BLACAT1: variants seen among roughly 807,000 people sequenced by gnomAD.
BLACAT1 encodes the protein bladder cancer associated transcript 1.
chr1:205,436,791 T>C (rs1666216084), downstream of BLACAT1: 1 of 152,248 alleles, frequency 6.6e-6, no homozygotes, highest in Non-Finnish European at 1.5e-5. Flanking sequence ...CCCACTGAAC[T>C]CAGCAGCCCA....
rs1002709316 is a variant in BLACAT1, at chr1:205,450,906, T to C, written c.-37+5011A>G. Among the ~76,000 whole-genome samples, 3 of 152,066 alleles carry C rather than the reference T, an allele frequency of 2.0e-5. No homozygotes were observed. Among genetic ancestry groups the C allele is most frequent in the African/African-American group, 7.2e-5 (3 of 41,406 alleles). Reference sequence around the variant, plus strand: ...CTTTCCCGAGGAAAACCCTGCTTCCTCCAATCCCGAGAACCTGGGCAGTGA... The same window carrying C: ...CTTTCCCGAGGAAAACCCTGCTTCCCCCAATCCCGAGAACCTGGGCAGTGA... On this transcript the variant is annotated intron_variant, in intron 1 of 1. Transcript: ENST00000629624. The surrounding 1 kb of genome is among the most constrained non-coding windows in gnomAD (Gnocchi z 4.4).
At position 205,448,174 on chromosome 1, in the gene BLACAT1, A is replaced by C. The variant is rs960312643; in HGVS notation, c.-36-7112T>G. Reference sequence around the variant, plus strand: ...AGGGAAGTGACTGGGCCAAGGTCACACGGCTTAGCCCCGATCCCAGGTTAC... The same window carrying C: ...AGGGAAGTGACTGGGCCAAGGTCACCCGGCTTAGCCCCGATCCCAGGTTAC... On this transcript the variant is annotated intron_variant, in intron 1 of 1. Coordinates refer to ENST00000629624, the Ensembl canonical transcript of BLACAT1. This position sits in a 1 kb window ranked among gnomAD's most constrained non-coding sequence, Gnocchi z 4.7. The C allele has an allele frequency of 2.5e-6, 1 of 401,480 alleles. No individual in the cohort carries two copies. Among genetic ancestry groups the C allele is most frequent in the Non-Finnish European group, 5.0e-6 (1 of 198,830 alleles). The allele number at this position is 401,480 out of a possible 1,614,324, so 24.9% of individuals were successfully genotyped here. A position where few individuals can be genotyped will look rare whatever the true frequency, so the allele number is the denominator to read the frequency against.
rs138793459 is a variant in BLACAT1 at position 205,451,943 on chromosome 1, A to G, written c.-37+3974T>C. Among the ~76,000 whole-genome samples, 69 of 152,276 alleles carry G rather than the reference A, an allele frequency of 4.5e-4. No individual in the cohort carries two copies. In the East Asian group the frequency reaches 0.012, roughly 26 times the overall value. On this transcript the variant is annotated intron_variant, in intron 1 of 1. Transcript: ENST00000629624. ...AGGAGAAGCCTGAGAGAGAGAAAGC[A>G]GAGAGCCAGAAAAGAAGAATGCTGA...
At chr1:205,438,420 C>A (rs756202177), downstream of BLACAT1, among the ~76,000 whole-genome samples, 1 of 152,196 alleles carries the variant, frequency 6.6e-6, no homozygotes, top group African/African-American at 2.4e-5. Flanking sequence ...AAGCCTGGCC[C>A]GAAGTCAGAG....
At position 205,448,364 on chromosome 1, in the gene BLACAT1, C is replaced by T. The variant is rs1666439009; in HGVS notation, c.-36-7302G>A. On this transcript the variant is annotated intron_variant, in intron 1 of 1. Transcript: ENST00000629624. This position sits in a 1 kb window ranked among gnomAD's most constrained non-coding sequence, Gnocchi z 4.7. ...CTACATGAGTTTGGGACAGCAATCA[C>T]ATAGGAATGAAAAGCCATAGGCCAC... is the stretch of plus-strand genomic sequence containing the variant. The T allele has an allele frequency of 1.9e-6, 1 of 534,476 alleles. No individual in the cohort carries two copies. The allele number at this position is 534,476 out of a possible 1,614,324, so 33.1% of individuals were successfully genotyped here. A position where few individuals can be genotyped will look rare whatever the true frequency, so the allele number is the denominator to read the frequency against.
At chr1:205,439,026 C>A (rs1666252347), downstream of BLACAT1, among the ~76,000 whole-genome samples, 2 of 152,214 alleles carry the variant, frequency 1.3e-5, no homozygotes, top group South Asian at 4.1e-4. Context: ...TCCGGGGATA[C>A]AATTTCATCC....
intron 1 of BLACAT1, among the ~76,000 whole-genome samples, chr1:205,455,237 C>T (rs949041158): frequency 2.0e-5 from 3 of 152,152 alleles, no homozygotes; most frequent in East Asian, 1.9e-4. Flanking sequence ...GGGAGGCAGG[C>T]TTATGGCCAA....
intron 1 of BLACAT1, among the ~76,000 whole-genome samples, chr1:205,445,006 C>G (rs1575010510): frequency 6.6e-6 from 1 of 152,032 alleles, no homozygotes; most frequent in Non-Finnish European, 1.5e-5. Context: ...CCCTTAGCAC[C>G]GCGTCTCAGT....
downstream of BLACAT1, chr1:205,436,945 C>T (rs1666219357): frequency 6.6e-6 from 1 of 152,416 alleles, no homozygotes; most frequent in African/African-American, 2.4e-5. Flanking sequence ...GGAAATGGGA[C>T]TCATCGCCAC....
At chr1:205,442,912 C>A (rs1407382140) in intron 1 of BLACAT1, among the ~76,000 whole-genome samples, 6 of 152,170 alleles carry the variant, frequency 3.9e-5, no homozygotes, top group Admixed American at 3.9e-4. Context: ...TGCTAACATG[C>A]TGTGTCATCC....
intron 1 of BLACAT1, chr1:205,449,920 C>G (rs918901971): frequency 3.3e-5 from 5 of 152,712 alleles, no homozygotes; most frequent in Non-Finnish European, 7.3e-5. Flanking sequence ...CACAATTCCC[C>G]GCAGAGCCAC....
At chr1:205,439,514 G>C (rs982179448), downstream of BLACAT1, among the ~76,000 whole-genome samples, 2 of 152,212 alleles carry the variant, frequency 1.3e-5, no homozygotes, top group African/African-American at 4.8e-5. Context: ...CTTCTCCCAG[G>C]TTTTGGGCGA....
At chr1:205,446,332 C>A (rs975262861) in intron 1 of BLACAT1, among the ~76,000 whole-genome samples, 3 of 152,216 alleles carry the variant, frequency 2.0e-5, no homozygotes, top group Non-Finnish European at 2.9e-5. Context: ...AGTTGCTGAG[C>A]TGTGGGCTTG....
intron 1 of BLACAT1, among the ~76,000 whole-genome samples, chr1:205,447,810 C>T (rs923642931): frequency 5.9e-5 from 9 of 152,104 alleles, no homozygotes; most frequent in Admixed American, 3.3e-4. Flanking sequence ...CCCTCGTGGC[C>T]GGCATGGAGT....
At chr1:205,443,115 A>G (rs1360737662) in intron 1 of BLACAT1, among the ~76,000 whole-genome samples, 1 of 152,208 alleles carries the variant, frequency 6.6e-6, no homozygotes, top group Non-Finnish European at 1.5e-5. Context: ...TGCTGGGGAT[A>G]TAAGTCAAGG....
At chr1:205,437,843 G>T (rs2102460962), downstream of BLACAT1, 1 of 152,316 alleles carries the variant, frequency 6.6e-6, no homozygotes, top group South Asian at 2.1e-4. Context: ...CTAGAAGCCA[G>T]GAGACCTGGC....
intron 1 of BLACAT1, among the ~76,000 whole-genome samples, chr1:205,449,469 C>T (rs1666457489): frequency 6.6e-6 from 1 of 152,064 alleles, no homozygotes; most frequent in South Asian, 2.1e-4. Context: ...CTCTCCCACC[C>T]CAACTGTACC....
intron 1 of BLACAT1, among the ~76,000 whole-genome samples, 199 bp downstream of exon 1, chr1:205,455,718 C>T (rs560087785): frequency 7.1e-4 from 108 of 152,288 alleles, no homozygotes; most frequent in African/African-American, 2.6e-3. Context: ...AGGGCGGCGG[C>T]TGACGCAGCC....
chr1:205,438,727 C>T (rs541125044), downstream of BLACAT1, among the ~76,000 whole-genome samples: 9 of 152,194 alleles, frequency 5.9e-5, no homozygotes, highest in African/African-American at 2.2e-4. Flanking sequence ...ACAACTGGAC[C>T]TCCACTCAGA....
Sources: allele counts gnomAD v4.1 joint callset (sites outside exome capture counted in the v4.1 genomes callset), GRCh38; gene constraint gnomAD v4.1.1; non-coding constraint Gnocchi (gnomAD v3.1); transcripts MANE v1.5; gene names NCBI Gene and HGNC (gene_info 2026-07-23, HGNC 2026-07-21).